Variants in PALM2AKAP2 observed in about 807,000 individuals in gnomAD.
The protein encoded by PALM2AKAP2 is PALM2-AKAP2 fusion protein.
Under a neutral mutation model 71.5 loss-of-function variants are expected in PALM2AKAP2, and 37 were observed. That is an observed-to-expected ratio of 0.52 (90% confidence interval 0.40 to 0.68). The LOEUF (loss-of-function observed/expected upper bound fraction) is 0.68. PALM2AKAP2 is among the 30% of genes least tolerant of loss of function. The probability of loss-of-function intolerance (pLI) is 0.00; values close to 1 mark genes in which losing one functional copy is unlikely to be tolerated. For synonymous variants in PALM2AKAP2, 468 were observed against 478.8 expected, an observed-to-expected ratio of 0.98 and a Z score of 0.29; for missense variants, 1,224 against 1,191.8, an observed-to-expected ratio of 1.03 and a Z score of -0.40.
intron 1 of PALM2AKAP2, among the ~76,000 whole-genome samples, chr9:109,711,342 G>A (rs1828232410): frequency 6.6e-6 from 1 of 152,180 alleles, no homozygotes; most frequent in Non-Finnish European, 1.5e-5. Flanking sequence ...ATGCACTACT[G>A]AGAAGATTTT....
intron 1 of PALM2AKAP2, among the ~76,000 whole-genome samples, chr9:109,770,050 G>A (rs1041600806): frequency 1.3e-5 from 2 of 152,118 alleles, no homozygotes; most frequent in Admixed American, 1.3e-4. Flanking sequence ...TGCCTTTTCT[G>A]TGCCATCAAC....
intron 1 of PALM2AKAP2, among the ~76,000 whole-genome samples, chr9:110,113,277 T>A (rs1453655430): frequency 6.7e-6 from 1 of 150,160 alleles, no homozygotes; most frequent in Non-Finnish European, 1.5e-5. Context: ...TCTCACTCTG[T>A]CACCAGGCTG....
At chr9:109,877,828 A>G (rs1332543525) in intron 2 of PALM2AKAP2, among the ~76,000 whole-genome samples, 2 of 152,216 alleles carry the variant, frequency 1.3e-5, no homozygotes, top group Non-Finnish European at 2.9e-5. Context: ...GGCCTCTTGC[A>G]GTCTCTACCC....
At chr9:109,863,037 C>T in intron 1 of PALM2AKAP2, 1 of 455,400 alleles carries the variant, frequency 2.2e-6, no homozygotes, top group Non-Finnish European at 4.4e-6. Flanking sequence ...GGGGAGACAT[C>T]CTTGGTTTTA....
At chr9:109,717,230 G>T (rs1476663451) in intron 1 of PALM2AKAP2, among the ~76,000 whole-genome samples, 1 of 152,146 alleles carries the variant, frequency 6.6e-6, no homozygotes, top group African/African-American at 2.4e-5. Context: ...GGACTCCTAG[G>T]CTTCTCCCAA....
chr9:109,825,729 G>T (rs1254855141), intron 1 of PALM2AKAP2, among the ~76,000 whole-genome samples: 1 of 152,210 alleles, frequency 6.6e-6, no homozygotes, highest in African/African-American at 2.4e-5. Context: ...TGCTGGAGAG[G>T]ATGTGAAGAA....
intron 2 of PALM2AKAP2, among the ~76,000 whole-genome samples, chr9:110,150,094 CA>C (rs1465322713): frequency 6.6e-6 from 1 of 152,336 alleles, no homozygotes; most frequent in East Asian, 1.9e-4. Flanking sequence ...GCCCTCATGA[CA>C]GGATCAATGC....
At chr9:109,640,950 G>C (rs1049527019) in intron 1 of PALM2AKAP2, 4 of 1,439,582 alleles carry the variant, frequency 2.8e-6, no homozygotes, top group African/African-American at 1.5e-5. Context: ...GATCCCGCTC[G>C]GGTCCGCGTC....
intron 1 of PALM2AKAP2, among the ~76,000 whole-genome samples, chr9:109,750,404 C>T (rs1828868509): frequency 6.6e-6 from 1 of 152,020 alleles, no homozygotes; most frequent in African/African-American, 2.4e-5. Context: ...TCATATAATT[C>T]TGCAAAAGTA....
intron 1 of PALM2AKAP2, among the ~76,000 whole-genome samples, chr9:109,669,935 A>G (rs1000708842): frequency 6.8e-6 from 1 of 147,664 alleles, no homozygotes; most frequent in Non-Finnish European, 1.5e-5. Context: ...TTTTTCTTCT[A>G]TGTATTTTGG....
chr9:110,110,785 G>T (rs751542530), intron 1 of PALM2AKAP2, among the ~76,000 whole-genome samples: 2 of 151,920 alleles, frequency 1.3e-5, no homozygotes, highest in Non-Finnish European at 2.9e-5. Context: ...GCCCTCAAAT[G>T]ATCCACCTGC....
intron 6 of PALM2AKAP2, among the ~76,000 whole-genome samples, chr9:110,011,235 TTA>T (rs375008585): frequency 2.0e-5 from 3 of 147,588 alleles, no homozygotes; most frequent in Non-Finnish European, 3.0e-5. Context: ...TATATTTCTA[TTA>T]TATATATATA....
intron 1 of PALM2AKAP2, among the ~76,000 whole-genome samples, chr9:109,833,224 A>T (rs187505833): frequency 4.6e-5 from 7 of 152,272 alleles, no homozygotes; most frequent in East Asian, 1.9e-4. Context: ...GTGTGGTGGC[A>T]CACACCTGTA....
chr9:109,707,773 A>G (rs1423255913), intron 1 of PALM2AKAP2, among the ~76,000 whole-genome samples: 1 of 152,218 alleles, frequency 6.6e-6, no homozygotes, highest in Non-Finnish European at 1.5e-5. Context: ...AAGGAAGGAT[A>G]ATTTTCACCC....
At chr9:109,985,265 C>T (rs986382477) in intron 6 of PALM2AKAP2, among the ~76,000 whole-genome samples, 1 of 152,096 alleles carries the variant, frequency 6.6e-6, no homozygotes, top group Non-Finnish European at 1.5e-5. Flanking sequence ...GTATGATATC[C>T]CTGCACTAAA....
chr9:109,672,768 G>A (rs1827592904), intron 1 of PALM2AKAP2, among the ~76,000 whole-genome samples: 1 of 151,986 alleles, frequency 6.6e-6, no homozygotes, highest in African/African-American at 2.4e-5. Context: ...GTTTATTACT[G>A]CCTCAATTTC....
intron 1 of PALM2AKAP2, among the ~76,000 whole-genome samples, chr9:109,691,799 A>G (rs958701772): frequency 2.1e-5 from 3 of 140,238 alleles, no homozygotes; most frequent in African/African-American, 5.3e-5. Context: ...GGGAGAATTA[A>G]CATCTTAATA....
intron 1 of PALM2AKAP2, among the ~76,000 whole-genome samples, chr9:109,796,148 T>G (rs770306199): frequency 6.6e-6 from 1 of 152,222 alleles, no homozygotes; most frequent in South Asian, 2.1e-4. Context: ...GTGGAACCTA[T>G]GGGTCGCTTT....
At chr9:109,683,601 T>C (rs927655465) in intron 1 of PALM2AKAP2, among the ~76,000 whole-genome samples, 3 of 152,186 alleles carry the variant, frequency 2.0e-5, no homozygotes, top group African/African-American at 7.2e-5. Flanking sequence ...AGTCATCCAG[T>C]GTGTGGTGAT....
Sources: gnomAD v4.1 joint callset for allele counts (sites outside exome capture counted in the v4.1 genomes callset) on GRCh38, gnomAD v4.1.1 for gene constraint, MANE v1.5 for transcripts, NCBI Gene and HGNC (gene_info 2026-07-23, HGNC 2026-07-21) for gene names.